The following NCAM2 variants were observed in gnomAD, a reference collection of about 807,000 sequenced individuals.
NCAM2 encodes the protein neural cell adhesion molecule 2, also known as N-CAM-2.
NCAM2 carries 30 observed loss-of-function variants against 98.1 expected under a neutral mutation model. That is an observed-to-expected ratio of 0.31 (90% confidence interval 0.23 to 0.41). The LOEUF (loss-of-function observed/expected upper bound fraction) is 0.41. Ranked by LOEUF, NCAM2 falls within the 10% of genes least tolerant of loss-of-function variation. NCAM2 has a pLI of 1.00. For synonymous variants in NCAM2, 368 were observed against 342.4 expected (o/e 1.07, Z -0.83); for missense variants, 867 against 1,005.8 (o/e 0.86, Z 1.87).
chr21:21,321,602 A>C (rs1484367127), intron 5 of NCAM2, among the ~76,000 whole-genome samples: 6 of 152,134 alleles, frequency 3.9e-5, no homozygotes, highest in African/African-American at 1.4e-4. Context: ...TGTATGATGA[A>C]AGATAGTGGT....
At chr21:21,216,559 C>T (rs1339975273) in intron 1 of NCAM2, among the ~76,000 whole-genome samples, 1 of 152,212 alleles carries the variant, frequency 6.6e-6, no homozygotes. Flanking sequence ...TACAAAACTA[C>T]AGCTTGCCCC....
chr21:21,352,976 C>T (rs1010456534), intron 8 of NCAM2, among the ~76,000 whole-genome samples: 3 of 152,008 alleles, frequency 2.0e-5, no homozygotes, highest in Admixed American at 2.0e-4. Context: ...GCCTCAGCCT[C>T]CTGAGTAGCT....
intron 1 of NCAM2, among the ~76,000 whole-genome samples, chr21:21,242,386 T>G (rs764994167): frequency 2.6e-5 from 4 of 152,220 alleles, no homozygotes; most frequent in Non-Finnish European, 4.4e-5. Context: ...AAATATGCAA[T>G]GCATTCTTAT....
chr21:21,054,519 A>C (rs2065175739), intron 1 of NCAM2, among the ~76,000 whole-genome samples: 2 of 152,018 alleles, frequency 1.3e-5, no homozygotes, highest in South Asian at 4.1e-4. Context: ...ATAACCATAG[A>C]CTCGATAATA....
At chr21:21,093,165 AAGGATGTGAATGAC>A (rs1431406955) in intron 1 of NCAM2, among the ~76,000 whole-genome samples, 5 of 152,108 alleles carry the variant, frequency 3.3e-5, no homozygotes, top group Non-Finnish European at 7.4e-5. Context: ...AGAACAGGCA[AAGGATGTGAATGAC>A]AGGAAGGCAG....
intron 1 of NCAM2, among the ~76,000 whole-genome samples, chr21:21,106,525 A>T (rs951950338): frequency 2.6e-5 from 4 of 152,022 alleles, no homozygotes; most frequent in African/African-American, 9.7e-5. Context: ...TATAAGAAAT[A>T]TTACAAAGTT....
intron 11 of NCAM2, among the ~76,000 whole-genome samples, chr21:21,430,209 G>C (rs895861449): frequency 6.6e-6 from 1 of 150,664 alleles, no homozygotes; most frequent in Non-Finnish European, 1.5e-5. Context: ...TTTTATTTTT[G>C]TGGAAACAGG....
Position 21,448,013 on chromosome 21 carries a change from A to G in NCAM2, c.1654+15732A>G, listed in dbSNP as rs547300884. ...ATTCCTGAAAGATCTAGAACCAGAA[A>G]TATAACTGGACCCAGCAATCCCATT... is the stretch of plus-strand genomic sequence containing the variant. On this transcript the variant is annotated intron_variant, in intron 12 of 17. Coordinates refer to ENST00000400546, the MANE Select transcript of NCAM2 (RefSeq NM_004540.5). Among the ~76,000 whole-genome samples the G allele has an allele frequency of 1.8e-4, 28 of 152,222 alleles. 1 individual carries two copies. The highest frequency in any genetic ancestry group is 8.3e-4 in the South Asian group (4 of 4,828).
chr21:21,512,972 A>G (rs997722475), intron 16 of NCAM2, among the ~76,000 whole-genome samples: 2 of 151,960 alleles, frequency 1.3e-5, no homozygotes, highest in Non-Finnish European at 2.9e-5. Context: ...GTTAGTTCTA[A>G]TAGTTTTTTT....
chr21:21,437,975 A>T (rs1978641955), intron 12 of NCAM2, among the ~76,000 whole-genome samples: 1 of 152,034 alleles, frequency 6.6e-6, no homozygotes, highest in Non-Finnish European at 1.5e-5. Flanking sequence ...TGTAAATCAC[A>T]GGTTGTGTTA....
At chr21:21,450,653 C>T (rs1980896575) in intron 12 of NCAM2, among the ~76,000 whole-genome samples, 1 of 151,938 alleles carries the variant, frequency 6.6e-6, no homozygotes, top group Non-Finnish European at 1.5e-5. Context: ...TCTGCCTTAC[C>T]TCATATCTTT....
At chr21:21,419,201 A>C (rs1412419552) in intron 11 of NCAM2, among the ~76,000 whole-genome samples, 1 of 152,048 alleles carries the variant, frequency 6.6e-6, no homozygotes, top group Non-Finnish European at 1.5e-5. Context: ...TGTATCTGCT[A>C]TACAGTGAGC....
intron 9 of NCAM2, among the ~76,000 whole-genome samples, chr21:21,377,387 A>G (rs2076056420): frequency 6.6e-6 from 1 of 151,884 alleles, no homozygotes; most frequent in African/African-American, 2.4e-5. Context: ...ACTACAATTT[A>G]GTTTACATTT....
chr21:21,371,192 T>G (rs1038195385), intron 8 of NCAM2, among the ~76,000 whole-genome samples: 3 of 151,852 alleles, frequency 2.0e-5, no homozygotes, highest in Non-Finnish European at 4.4e-5. Context: ...TATTTCTGTT[T>G]AAAATTCTTA....
At chr21:21,525,144 C>T (rs1457857491) in intron 16 of NCAM2, among the ~76,000 whole-genome samples, 2 of 151,952 alleles carry the variant, frequency 1.3e-5, no homozygotes, top group East Asian at 3.9e-4. Flanking sequence ...CAGAAGAAAA[C>T]AAATAATAAA....
At chr21:21,291,804 A>G (rs78721130) in intron 4 of NCAM2, among the ~76,000 whole-genome samples, 84 of 151,918 alleles carry the variant, frequency 5.5e-4, no homozygotes, top group African/African-American at 1.9e-3. Flanking sequence ...TCTTTTGTGT[A>G]TCATTTCTGC....
rs144644911 is a variant in NCAM2 at position 21,318,290 on chromosome 21, A to T, written c.620-6093A>T. On this transcript the variant is annotated intron_variant, in intron 5 of 17. Transcript: ENST00000400546. ...TTCAAGCTTGAATTTATTTATTTAT[A>T]TATTTATTGACTTGAGAGATCTTCC... Among the ~76,000 whole-genome samples, 286 of 152,328 alleles carry T rather than the reference A, an allele frequency of 1.9e-3. 5 individuals carry two copies. The South Asian group carries it at 0.019, about 10-fold the overall frequency.
chr21:21,173,052 C>T (rs1364314466), intron 1 of NCAM2, among the ~76,000 whole-genome samples: 1 of 152,090 alleles, frequency 6.6e-6, no homozygotes, highest in Non-Finnish European at 1.5e-5. Context: ...TTGCAAGGGA[C>T]TTTGAGAGTG....
intron 1 of NCAM2, among the ~76,000 whole-genome samples, chr21:21,091,424 C>G (rs1471734981): frequency 6.6e-6 from 1 of 151,978 alleles, no homozygotes; most frequent in Non-Finnish European, 1.5e-5. Context: ...AATTGACACA[C>G]AAAAATTGTC....
Sources: gnomAD v4.1 joint callset for allele counts (sites outside exome capture counted in the v4.1 genomes callset) on GRCh38, gnomAD v4.1.1 for gene constraint, MANE v1.5 for transcripts, NCBI Gene and HGNC (gene_info 2026-07-23, HGNC 2026-07-21) for gene names.